SDK1: variants seen among roughly 807,000 people sequenced by gnomAD.
The protein encoded by SDK1 is protein sidekick-1.
A neutral mutation model predicts 245.5 loss-of-function variants in SDK1; 157 were observed. The ratio of observed to expected loss-of-function variants is 0.64; its 90% CI spans 0.56 to 0.73. The LOEUF is 0.73. Among genes scored for constraint, SDK1 ranks in the 30% least tolerant of loss-of-function variants. SDK1 has a pLI of 0.00. For missense variants in SDK1, 3,583 were observed against 3,002.3 expected (o/e 1.19, Z -4.52); for synonymous variants, 1,647 against 1,278.5 (o/e 1.29, Z -6.15).
intron 30 of SDK1, among the ~76,000 whole-genome samples, chr7:4,156,560 C>G (rs1186270064): frequency 6.6e-6 from 1 of 152,194 alleles, no homozygotes; most frequent in African/African-American, 2.4e-5. Flanking sequence ...AGTGGAAAAG[C>G]AGGCCTTGAG....
chr7:3,612,297 G>C (rs1306765872), intron 1 of SDK1, among the ~76,000 whole-genome samples: 2 of 152,182 alleles, frequency 1.3e-5, no homozygotes, highest in African/African-American at 2.4e-5. Context: ...ATGTGGACCT[G>C]TCTATATTTG....
chr7:3,332,114 A>C (rs755123072), intron 1 of SDK1, among the ~76,000 whole-genome samples: 1 of 152,208 alleles, frequency 6.6e-6, no homozygotes, highest in Admixed American at 6.5e-5. Flanking sequence ...TTAAAAGTTA[A>C]TATGTCTAAA....
chr7:3,411,232 A>G (rs1779190944), intron 1 of SDK1, among the ~76,000 whole-genome samples: 1 of 152,150 alleles, frequency 6.6e-6, no homozygotes, highest in Non-Finnish European at 1.5e-5. Context: ...GCATTTACGG[A>G]CAAAAGCGCT....
At chr7:4,157,385 G>A (rs2128210819) in intron 30 of SDK1, among the ~76,000 whole-genome samples, 1 of 109,820 alleles carries the variant, frequency 9.1e-6, no homozygotes, top group Admixed American at 8.1e-5. Flanking sequence ...GGGAGAGAAG[G>A]AATGAGGGGA....
At chr7:3,450,575 A>G (rs1158063030) in intron 1 of SDK1, among the ~76,000 whole-genome samples, 1 of 152,174 alleles carries the variant, frequency 6.6e-6, no homozygotes, top group Non-Finnish European at 1.5e-5. Context: ...GTTTATGAAA[A>G]CGAGGGGAGG....
intron 38 of SDK1, among the ~76,000 whole-genome samples, chr7:4,215,444 C>T (rs139986200): frequency 2.6e-5 from 4 of 152,232 alleles, no homozygotes; most frequent in Non-Finnish European, 4.4e-5. Context: ...AGCATTTGCA[C>T]GTGGGAGGCA....
At chr7:4,213,369 G>T (rs1455879843) in intron 38 of SDK1, among the ~76,000 whole-genome samples, 1 of 150,428 alleles carries the variant, frequency 6.6e-6, no homozygotes, top group African/African-American at 2.5e-5. Flanking sequence ...CCGAGATCGC[G>T]CCACTGCACT....
intron 1 of SDK1, among the ~76,000 whole-genome samples, chr7:3,402,964 T>G (rs538044356): frequency 6.6e-6 from 1 of 152,196 alleles, no homozygotes; most frequent in Non-Finnish European, 1.5e-5. Flanking sequence ...TTTCTTTTTT[T>G]GAGACAGAGT....
chr7:3,842,249 C>G (rs1013221644), intron 5 of SDK1, among the ~76,000 whole-genome samples: 3 of 152,204 alleles, frequency 2.0e-5, no homozygotes, highest in Non-Finnish European at 4.4e-5. Flanking sequence ...GTGGAGTTAT[C>G]CTTCCTCTCC....
chr7:3,415,731 A>G (rs1388544574), intron 1 of SDK1, among the ~76,000 whole-genome samples: 1 of 149,644 alleles, frequency 6.7e-6, no homozygotes, highest in Admixed American at 6.7e-5. Flanking sequence ...ATGTATATAT[A>G]TATATTCATA....
chr7:3,546,912 T>C (rs942959363), intron 1 of SDK1, among the ~76,000 whole-genome samples: 8 of 152,230 alleles, frequency 5.3e-5, no homozygotes, highest in Non-Finnish European at 1.0e-4. Flanking sequence ...AAGGAGGTGC[T>C]ACTGTAAATA....
At chr7:4,258,524 A>G (rs1787764912) in intron 44 of SDK1, among the ~76,000 whole-genome samples, 1 of 152,300 alleles carries the variant, frequency 6.6e-6, no homozygotes, top group South Asian at 2.1e-4. Flanking sequence ...CTTTTCTACA[A>G]CTGGGGTTGA....
At chr7:3,373,487 A>G (rs1781277891) in intron 1 of SDK1, among the ~76,000 whole-genome samples, 1 of 152,226 alleles carries the variant, frequency 6.6e-6, no homozygotes. Context: ...AAAATCCCTT[A>G]GTAAAAGGAT....
intron 22 of SDK1, among the ~76,000 whole-genome samples, chr7:4,109,697 C>T (rs2128190182): frequency 6.6e-6 from 1 of 152,308 alleles, no homozygotes; most frequent in South Asian, 2.1e-4. Flanking sequence ...GCTGTCTCTC[C>T]CGTGGCTCCC....
intron 1 of SDK1, among the ~76,000 whole-genome samples, chr7:3,446,420 C>T (rs771990440): frequency 6.6e-6 from 1 of 152,060 alleles, no homozygotes; most frequent in Non-Finnish European, 1.5e-5. Context: ...TGGAGACAAT[C>T]TTATAGTTGA....
intron 1 of SDK1, among the ~76,000 whole-genome samples, chr7:3,392,940 C>G (rs1238833244): frequency 7.6e-6 from 1 of 131,014 alleles, no homozygotes; most frequent in Non-Finnish European, 1.6e-5. Flanking sequence ...TTACAGGTAT[C>G]TGTTTGAGTC....
At chr7:4,016,496 A>G (rs1220231184) in intron 16 of SDK1, among the ~76,000 whole-genome samples, 3 of 152,208 alleles carry the variant, frequency 2.0e-5, no homozygotes, top group East Asian at 1.9e-4. Context: ...ACACACAGCA[A>G]TTTCCTAATT....
chr7:3,329,526 C>T (rs903108828), intron 1 of SDK1, among the ~76,000 whole-genome samples: 5 of 152,138 alleles, frequency 3.3e-5, no homozygotes, highest in African/African-American at 9.7e-5. Context: ...GCTATAATCA[C>T]GCCACATCTT....
intron 1 of SDK1, among the ~76,000 whole-genome samples, chr7:3,590,211 C>G (rs1780821453): frequency 1.3e-5 from 2 of 149,862 alleles, no homozygotes; most frequent in African/African-American, 4.9e-5. Flanking sequence ...CTTCAGTTTT[C>G]TGTTACGGAT....
Sources: gnomAD v4.1 joint callset for allele counts (sites outside exome capture counted in the v4.1 genomes callset) on GRCh38, gnomAD v4.1.1 for gene constraint, MANE v1.5 for transcripts, NCBI Gene and HGNC (gene_info 2026-07-23, HGNC 2026-07-21) for gene names.